The following CNTN1 variants were observed in gnomAD, a reference collection of about 807,000 sequenced individuals.
The protein encoded by CNTN1 is contactin-1.
CNTN1 carries 38 observed loss-of-function variants against 126.4 expected under a neutral mutation model. The ratio of observed to expected loss-of-function variants is 0.30; its 90% confidence interval spans 0.23 to 0.39. The LOEUF (loss-of-function observed/expected upper bound fraction) is 0.39, where lower values mean the gene tolerates loss of function less well. Among genes scored for constraint, CNTN1 ranks in the 10% least tolerant of loss-of-function variants. CNTN1 has a pLI of 1.00. For synonymous variants in CNTN1, 413 were observed against 422.6 expected (o/e 0.98, Z 0.28); for missense variants, 1,009 against 1,248.4 (o/e 0.81, Z 2.89).
chr12:40,711,041 G>A (rs1013361055), intron 1 of CNTN1, among the ~76,000 whole-genome samples: 4 of 151,952 alleles, frequency 2.6e-5, no homozygotes, highest in South Asian at 4.1e-4. Context: ...AGTTAAATTC[G>A]GCTTCACCTC....
intron 1 of CNTN1, among the ~76,000 whole-genome samples, chr12:40,748,785 T>C (rs1271417282): frequency 1.3e-5 from 2 of 152,076 alleles, no homozygotes; most frequent in African/African-American, 4.8e-5. Flanking sequence ...ACAGACCTAA[T>C]TGGAGATTAC....
intron 16 of CNTN1, among the ~76,000 whole-genome samples, chr12:40,989,045 T>G: frequency 6.6e-6 from 1 of 152,200 alleles, no homozygotes; most frequent in East Asian, 1.9e-4. Flanking sequence ...TGCAAGGAAC[T>G]TGGCTGAAGA....
At chr12:41,053,584 A>T (rs1484864167) in intron 23 of CNTN1, among the ~76,000 whole-genome samples, 1 of 149,964 alleles carries the variant, frequency 6.7e-6, no homozygotes, top group African/African-American at 2.4e-5. Context: ...ATGTTTGAAC[A>T]TATCTTTTGT....
intron 17 of CNTN1, among the ~76,000 whole-genome samples, chr12:41,011,790 T>A (rs1033004813): frequency 6.6e-6 from 1 of 152,186 alleles, no homozygotes; most frequent in African/African-American, 2.4e-5. Context: ...TTATGGCCCA[T>A]GCTAAAGTGT....
chr12:41,017,199 T>C (rs916521051), intron 19 of CNTN1, among the ~76,000 whole-genome samples: 1 of 151,614 alleles, frequency 6.6e-6, no homozygotes, highest in Admixed American at 6.5e-5. Context: ...CTCTTGATTA[T>C]AATTTTGTAG....
intron 10 of CNTN1, 123 bp downstream of exon 10, chr12:40,937,028 A>C: frequency 7.9e-7 from 1 of 1,269,700 alleles, no homozygotes. Context: ...TGAAATATAA[A>C]AGCTTCCTAA....
At chr12:41,043,819 A>T in intron 23 of CNTN1, among the ~76,000 whole-genome samples, 1 of 151,350 alleles carries the variant, frequency 6.6e-6, no homozygotes, top group East Asian at 1.9e-4. Flanking sequence ...CTATGCAGCC[A>T]TAAAAAATGA....
intron 1 of CNTN1, among the ~76,000 whole-genome samples, chr12:40,839,974 A>T (rs1198402594): frequency 6.6e-6 from 1 of 152,160 alleles, no homozygotes; most frequent in Non-Finnish European, 1.5e-5. Context: ...CAACAATATG[A>T]CAGGAACAAA....
chr12:40,830,796 TA>T (rs1941790384), intron 1 of CNTN1, among the ~76,000 whole-genome samples: 1 of 19,060 alleles, frequency 5.2e-5, no homozygotes, highest in Non-Finnish European at 1.1e-4. Context: ...ATAGTGTATA[TA>T]TATATATATA....
At chr12:40,751,405 T>C (rs543539314) in intron 1 of CNTN1, among the ~76,000 whole-genome samples, 11 of 152,130 alleles carry the variant, frequency 7.2e-5, no homozygotes, top group Admixed American at 1.3e-4. Flanking sequence ...GGAAAACATA[T>C]AGACAAAAAT....
intron 1 of CNTN1, among the ~76,000 whole-genome samples, chr12:40,703,084 T>C (rs1335620797): frequency 2.6e-5 from 4 of 152,152 alleles, no homozygotes; most frequent in African/African-American, 9.7e-5. Context: ...TATAAATTAC[T>C]ATGGTAATTT....
At chr12:40,899,670 C>T (rs1428566120) in intron 1 of CNTN1, among the ~76,000 whole-genome samples, 1 of 152,150 alleles carries the variant, frequency 6.6e-6, no homozygotes, top group African/African-American at 2.4e-5. Context: ...CTTCACTTAA[C>T]ATACTTACTA....
At chr12:40,707,227 C>CTTTTCTTTTTTTTTTTTT (rs1941782316) in intron 1 of CNTN1, among the ~76,000 whole-genome samples, 1 of 109,166 alleles carries the variant, frequency 9.2e-6, no homozygotes, top group African/African-American at 3.8e-5. Flanking sequence ...TTTTCTTTTT[C>CTTTTCTTTTTTTTTTTTT]TTTTTTTTTT....
chr12:41,062,174 AG>A (rs1949950008), intron 23 of CNTN1, among the ~76,000 whole-genome samples: 1 of 152,184 alleles, frequency 6.6e-6, no homozygotes, highest in African/African-American at 2.4e-5. Context: ...ATTTTGTCAA[AG>A]TCATGAAGTT....
At chr12:40,880,934 A>G (rs1943849660) in intron 1 of CNTN1, among the ~76,000 whole-genome samples, 1 of 151,940 alleles carries the variant, frequency 6.6e-6, no homozygotes, top group African/African-American at 2.4e-5. Context: ...CTATGCTTGG[A>G]ACTTCTAAGG....
chr12:40,692,661 C>G (rs1272744843), intron 1 of CNTN1, 69 bp downstream of exon 1: 1 of 152,676 alleles, frequency 6.5e-6, no homozygotes, highest in Admixed American at 6.5e-5. Flanking sequence ...TGTTGCTTCC[C>G]TTCCCCCAGC....
chr12:40,917,066 G>GGGGGT (rs869061470), intron 3 of CNTN1, among the ~76,000 whole-genome samples: 1,771 of 100,886 alleles, frequency 0.018, 47 homozygotes, highest in African/African-American at 0.057. Flanking sequence ...GGGGGCGGGG[G>GGGGGT]GGGGGGCAGA....
intron 1 of CNTN1, among the ~76,000 whole-genome samples, chr12:40,894,667 A>G (rs77614047): frequency 6.6e-6 from 1 of 152,022 alleles, no homozygotes; most frequent in Non-Finnish European, 1.5e-5. Flanking sequence ...TTAATACCTA[A>G]CTTTTTATTT....
chr12:40,725,921 A>G (rs1565652239), intron 1 of CNTN1, among the ~76,000 whole-genome samples: 1 of 152,156 alleles, frequency 6.6e-6, no homozygotes, highest in East Asian at 1.9e-4. Context: ...TTAAAAAAAA[A>G]AACAGCAAAC....
Sources: gnomAD v4.1 joint callset for allele counts (sites outside exome capture counted in the v4.1 genomes callset) on GRCh38, gnomAD v4.1.1 for gene constraint, MANE v1.5 for transcripts, NCBI Gene and HGNC (gene_info 2026-07-23, HGNC 2026-07-21) for gene names.